Variants in DLC1 observed in about 807,000 individuals in gnomAD.
DLC1 encodes the protein rho GTPase-activating protein 7.
DLC1 carries 54 observed loss-of-function variants against 140.3 expected under a neutral mutation model. That is an observed-to-expected ratio of 0.38 (90% CI 0.31 to 0.48). DLC1 has a LOEUF of 0.48. Among genes scored for constraint, DLC1 ranks in the 20% least tolerant of loss-of-function variants. The pLI is 0.96. For missense variants in DLC1, 2,536 were observed against 1,907.0 expected, an observed-to-expected ratio of 1.33 and a Z score of -6.14; for synonymous variants, 986 against 728.1, an observed-to-expected ratio of 1.35 and a Z score of -5.70.
chr8:13,586,903 C>T (rs900065), intron 1 of DLC1, among the ~76,000 whole-genome samples: 71,615 of 151,804 alleles, frequency 0.47, 18,567 homozygotes, highest in African/African-American at 0.7. Context: ...GTACCAGAAA[C>T]CTTCAACAAC....
chr8:13,514,640 G>A lies in DLC1; in HGVS notation c.-164C>T, dbSNP rs1291640960. The A allele has an allele frequency of 2.5e-6, 1 of 398,590 alleles. No individual in the cohort carries two copies. The highest frequency in any genetic ancestry group is 4.4e-6 in the Non-Finnish European group (1 of 226,070). The allele number at this position is 398,590 out of a possible 1,614,324, so 24.7% of individuals were successfully genotyped here. On this transcript the variant is annotated 5_prime_UTR_variant, in exon 1 of 18. Coordinates refer to ENST00000276297, the MANE Select transcript of DLC1 (RefSeq NM_182643.3). ...AGCTGAAACGCCAAGGCATGACACT[G>A]CTCAACACTCAGGCTAGGAAAGAAG... is the stretch of plus-strand genomic sequence containing the variant.
chr8:13,091,509 C>A, intron 13 of DLC1, 77 bp from the exon 14 acceptor site: 2 of 1,355,396 alleles, frequency 1.5e-6, no homozygotes, highest in South Asian at 1.5e-5. Flanking sequence ...CAAGGAAACC[C>A]AAAGAAGAGA....
chr8:13,364,798 C>T (rs562569606), intron 4 of DLC1, among the ~76,000 whole-genome samples: 1 of 152,246 alleles, frequency 6.6e-6, no homozygotes, highest in South Asian at 2.1e-4. Flanking sequence ...TTAGTAAAAA[C>T]ATGTATATTT....
At chr8:13,277,116 C>T (rs183207273) in intron 5 of DLC1, among the ~76,000 whole-genome samples, 1 of 152,058 alleles carries the variant, frequency 6.6e-6, no homozygotes, top group Admixed American at 6.6e-5. Context: ...AGGCCAGGAG[C>T]TTGAGAACAG....
chr8:13,482,434 T>G (rs1275076800), intron 2 of DLC1, among the ~76,000 whole-genome samples: 1 of 152,210 alleles, frequency 6.6e-6, no homozygotes, highest in East Asian at 1.9e-4. Context: ...AGTTGATGAA[T>G]AGAGCAATGC....
At position 13,399,368 on chromosome 8, in the gene DLC1, C is replaced by G. The variant is rs763492331; in HGVS notation, c.1173+2102G>C. Among the ~76,000 whole-genome samples, 59 of 152,256 alleles carry G rather than the reference C, an allele frequency of 3.9e-4. 1 individual carries two copies. The Middle Eastern group carries it at 0.024, about 61-fold the overall frequency. On this transcript the variant is annotated intron_variant, in intron 3 of 17. Transcript: ENST00000276297. ...TGACTAATGTGGATGCAAATCTCAC[C>G]TGCTGGGTGACCTTTGGTAAATAAC...
rs34076824 is a variant in DLC1 at position 13,537,125 on chromosome 8, T to TA, written c.-125-36930dup. ...GTAGCAAAAAACCATAACAGTACATTAAAAAAAAACCACTAGTCTGCTATT... is the reference window on the plus strand; with the variant it reads ...GTAGCAAAAAACCATAACAGTACATTAAAAAAAAAACCACTAGTCTGCTATT... On this transcript the variant is annotated intron_variant, in intron 1 of 1. Coordinates refer to the DLC1 transcript ENST00000631382. Among the ~76,000 whole-genome samples, 9 of 151,422 alleles carry TA rather than the reference T, an allele frequency of 5.9e-5. No individual in the cohort carries two copies. The South Asian group carries it at 6.3e-4, about 11-fold the overall frequency.
At chr8:13,236,356 C>T (rs1027376026) in intron 5 of DLC1, among the ~76,000 whole-genome samples, 1 of 152,024 alleles carries the variant, frequency 6.6e-6, no homozygotes, top group Non-Finnish European at 1.5e-5. Flanking sequence ...CAGTGAATAG[C>T]GCTATTGTAC....
chr8:13,383,632 A>G (rs1194564963), intron 4 of DLC1, among the ~76,000 whole-genome samples: 2 of 152,102 alleles, frequency 1.3e-5, no homozygotes. Context: ...ACCTTTTCCA[A>G]CATTGAACAG....
intron 2 of DLC1, among the ~76,000 whole-genome samples, chr8:13,464,150 A>G (rs561099359): frequency 4.5e-4 from 69 of 152,316 alleles, no homozygotes; most frequent in African/African-American, 1.6e-3. Flanking sequence ...AAAGCTTCTT[A>G]AAACCCTGGG....
intron 5 of DLC1, among the ~76,000 whole-genome samples, chr8:13,200,765 T>C (rs759849413): frequency 1.3e-5 from 2 of 152,000 alleles, no homozygotes; most frequent in Non-Finnish European, 2.9e-5. Flanking sequence ...CCCAGCTGTT[T>C]CAAATTGTTT....
At chr8:13,561,278 AGCAACTACAGCCAT>A (rs1240537677) in intron 1 of DLC1, among the ~76,000 whole-genome samples, 2 of 151,958 alleles carry the variant, frequency 1.3e-5, no homozygotes, top group African/African-American at 2.4e-5. Flanking sequence ...CACCTGGCTA[AGCAACTACAGCCAT>A]GCAACTACAG....
intron 1 of DLC1, among the ~76,000 whole-genome samples, chr8:13,553,326 C>T (rs960237191): frequency 1.4e-5 from 2 of 146,192 alleles, no homozygotes; most frequent in Non-Finnish European, 3.0e-5. Flanking sequence ...CATGCATGTA[C>T]TATATCCCTT....
intron 1 of DLC1, among the ~76,000 whole-genome samples, chr8:13,579,847 A>C (rs369691558): frequency 6.6e-6 from 1 of 151,782 alleles, no homozygotes; most frequent in Non-Finnish European, 1.5e-5. Flanking sequence ...GTGAGTACCC[A>C]GTGTGCCCAT....
chr8:13,508,423 C>CGTT (rs1802204802), intron 1 of DLC1, among the ~76,000 whole-genome samples: 1 of 146,372 alleles, frequency 6.8e-6, no homozygotes, highest in Non-Finnish European at 1.5e-5. Flanking sequence ...ACTTCTTTTT[C>CGTT]TTTTTTTTTT....
chr8:13,397,304 G>T (rs1209381557), intron 3 of DLC1, among the ~76,000 whole-genome samples: 1 of 152,190 alleles, frequency 6.6e-6, no homozygotes, highest in Admixed American at 6.5e-5. Context: ...CTAGATATAA[G>T]ATTTCAGGGG....
chr8:13,526,489 G>A (rs1186039704), intron 1 of DLC1, among the ~76,000 whole-genome samples: 1 of 151,974 alleles, frequency 6.6e-6, no homozygotes, highest in South Asian at 2.1e-4. Flanking sequence ...AGTGTTTCCT[G>A]CTTTTTACTG....
At chr8:13,314,949 C>A (rs948219006) in intron 4 of DLC1, among the ~76,000 whole-genome samples, 1 of 152,162 alleles carries the variant, frequency 6.6e-6, no homozygotes, top group Admixed American at 6.5e-5. Flanking sequence ...CTAAAATGTA[C>A]ACCATGATAC....
At chr8:13,120,796 G>T (rs574509978) in intron 5 of DLC1, among the ~76,000 whole-genome samples, 2 of 152,214 alleles carry the variant, frequency 1.3e-5, no homozygotes, top group South Asian at 4.1e-4. Flanking sequence ...ACACCCTTTT[G>T]TGTATGGCTG....
Sources: allele counts gnomAD v4.1 joint callset (sites outside exome capture counted in the v4.1 genomes callset), GRCh38; gene constraint gnomAD v4.1.1; transcripts MANE v1.5; gene names NCBI Gene and HGNC (gene_info 2026-07-23, HGNC 2026-07-21).